The following PDE3A variants were observed in gnomAD, a reference collection of about 807,000 sequenced individuals.
PDE3A encodes the protein phosphodiesterase 3A, also known as cGMP-inhibited 3',5'-cyclic phosphodiesterase 3A.
In PDE3A, 43 loss-of-function variants were observed where a neutral mutation model predicts 98.3. The ratio of observed to expected loss-of-function variants is 0.44; its 90% confidence interval spans 0.34 to 0.56. The LOEUF (loss-of-function observed/expected upper bound fraction) is 0.56, where lower values mean the gene tolerates loss of function less well. PDE3A is among the 20% of genes least tolerant of loss of function. The pLI is 0.01. For missense variants in PDE3A, 1,427 were observed against 1,440.7 expected, an observed-to-expected ratio of 0.99 and a Z score of 0.15; for synonymous variants, 663 against 567.9, an observed-to-expected ratio of 1.17 and a Z score of -2.38.
At chr12:20,661,580 C>T (rs1945171392) in intron 15 of PDE3A, among the ~76,000 whole-genome samples, 1 of 152,114 alleles carries the variant, frequency 6.6e-6, no homozygotes, top group Non-Finnish European at 1.5e-5. Context: ...GACTTGGTTC[C>T]CTGCATCCCA....
intron 2 of PDE3A, chr12:20,556,967 T>C (rs544310714): frequency 2.2e-6 from 1 of 455,196 alleles, no homozygotes; most frequent in South Asian, 3.1e-5. Flanking sequence ...ATATTCATCT[T>C]GTCTCGGCAG....
At chr12:20,610,282 A>G (rs984527470) in intron 2 of PDE3A, among the ~76,000 whole-genome samples, 4 of 152,066 alleles carry the variant, frequency 2.6e-5, no homozygotes, top group Non-Finnish European at 5.9e-5. Context: ...TGGCCAACAT[A>G]TATGTATGGA....
intron 1 of PDE3A, among the ~76,000 whole-genome samples, chr12:20,540,254 C>G: frequency 6.6e-6 from 1 of 152,130 alleles, no homozygotes; most frequent in Middle Eastern, 3.4e-3. Context: ...ACATTATGGA[C>G]TGGATTATTA....
At chr12:20,568,152 A>T (rs529564479) in intron 2 of PDE3A, among the ~76,000 whole-genome samples, 1 of 152,096 alleles carries the variant, frequency 6.6e-6, no homozygotes, top group African/African-American at 2.4e-5. Flanking sequence ...TAGTTTCTGT[A>T]CTTATTCATG....
intron 1 of PDE3A, among the ~76,000 whole-genome samples, chr12:20,542,562 C>T (rs898101201): frequency 1.4e-4 from 22 of 151,894 alleles, no homozygotes; most frequent in Non-Finnish European, 2.7e-4. Flanking sequence ...TTTTTCAGCA[C>T]GTAATTTTAA....
intron 6 of PDE3A, among the ~76,000 whole-genome samples, chr12:20,631,528 A>G (rs759568285): frequency 6.6e-6 from 1 of 152,136 alleles, no homozygotes; most frequent in Non-Finnish European, 1.5e-5. Flanking sequence ...ATGCACCCTG[A>G]GCCAAGATGA....
intron 1 of PDE3A, among the ~76,000 whole-genome samples, chr12:20,469,091 G>T (rs1945392834): frequency 6.6e-6 from 1 of 152,042 alleles, no homozygotes; most frequent in African/African-American, 2.4e-5. Context: ...CTAAACATCA[G>T]GTATAAGGAG....
intron 1 of PDE3A, among the ~76,000 whole-genome samples, chr12:20,537,749 T>C (rs1487481335): frequency 6.6e-6 from 1 of 152,048 alleles, no homozygotes; most frequent in East Asian, 1.9e-4. Context: ...CTGAAACAGC[T>C]ATTAAACCCA....
chr12:20,660,199 G>A (rs903230983), intron 15 of PDE3A, among the ~76,000 whole-genome samples: 2 of 152,192 alleles, frequency 1.3e-5, no homozygotes, highest in African/African-American at 4.8e-5. Flanking sequence ...GTATGACCAT[G>A]TGAAGAAGGA....
intron 15 of PDE3A, among the ~76,000 whole-genome samples, chr12:20,656,925 G>T (rs966251574): frequency 3.3e-5 from 5 of 152,152 alleles, no homozygotes; most frequent in Non-Finnish European, 7.3e-5. Context: ...ATTTCTTTCT[G>T]TTCTGTAGGG....
chr12:20,665,275 T>G (rs2120365405), intron 15 of PDE3A, among the ~76,000 whole-genome samples: 1 of 152,352 alleles, frequency 6.6e-6, no homozygotes, highest in East Asian at 1.9e-4. Flanking sequence ...AGGTGATTCA[T>G]AAATAGATAA....
intron 15 of PDE3A, among the ~76,000 whole-genome samples, chr12:20,659,017 C>T (rs1462584243): frequency 2.0e-5 from 3 of 152,044 alleles, no homozygotes; most frequent in African/African-American, 7.3e-5. Flanking sequence ...CAGTTTTTGT[C>T]TTCTTGGCAC....
intron 9 of PDE3A, 43 bp downstream of exon 9, chr12:20,637,280 A>C: frequency 1.4e-6 from 2 of 1,463,088 alleles, no homozygotes; most frequent in Non-Finnish European, 1.9e-6. Flanking sequence ...TATAGGAAAA[A>C]CAGTTCCTTT....
chr12:20,536,573 A>T (rs1275792130), intron 1 of PDE3A, among the ~76,000 whole-genome samples: 1 of 152,106 alleles, frequency 6.6e-6, no homozygotes, highest in African/African-American at 2.4e-5. Flanking sequence ...ATCAATGACT[A>T]ATCTATTTTC....
In PDE3A at chr12:20,449,759, T is replaced by A. The variant is rs1414783059; in HGVS notation, c.960+79515T>A. ...CTGAAGTGGATGCTCAGGCTGGGGG[T>A]CATTCACCAGTGCTGTGAGGGACTG... On this transcript the variant is annotated intron_variant, in intron 1 of 15. Coordinates refer to ENST00000359062, the MANE Select transcript of PDE3A (RefSeq NM_000921.5). The A allele has an allele frequency of 4.0e-5, 19 of 475,264 alleles. No homozygotes were observed. In the East Asian group the frequency reaches 5.8e-4, roughly 14 times the overall value. The allele number at this position is 475,264 out of a possible 1,614,324, so 29.4% of individuals were successfully genotyped here.
At chr12:20,452,470 A>G (rs1945081931) in intron 1 of PDE3A, among the ~76,000 whole-genome samples, 2 of 152,154 alleles carry the variant, frequency 1.3e-5, no homozygotes, top group African/African-American at 2.4e-5. Context: ...GTGTCTCCAA[A>G]TGGTCATCCT....
chr12:20,429,393 G>A (rs542093648), intron 1 of PDE3A, among the ~76,000 whole-genome samples: 158 of 152,260 alleles, frequency 1.0e-3, no homozygotes, highest in African/African-American at 3.7e-3. Context: ...TGTTCCCTGG[G>A]AGAGTGCTGC....
rs189130469 is a variant in PDE3A at position 20,588,969 on chromosome 12, C to A, written c.1012-24474C>A. Among the ~76,000 whole-genome samples, 8 of 152,316 alleles carry A rather than the reference C, an allele frequency of 5.3e-5. No individual in the cohort carries two copies. The East Asian group carries it at 9.7e-4, about 18-fold the overall frequency. Reference sequence around the variant, plus strand: ...ACGGGGTCTCGCTCTGTCGCCCAGGCTGGAGTGTAGTGGCGCCATTTGGGC... The same window carrying A: ...ACGGGGTCTCGCTCTGTCGCCCAGGATGGAGTGTAGTGGCGCCATTTGGGC... On this transcript the variant is annotated intron_variant, in intron 2 of 15. Coordinates refer to ENST00000359062, the MANE Select transcript of PDE3A (RefSeq NM_000921.5).
At chr12:20,673,174 G>A (rs2120440908) in intron 15 of PDE3A, among the ~76,000 whole-genome samples, 1 of 152,254 alleles carries the variant, frequency 6.6e-6, no homozygotes, top group Middle Eastern at 3.4e-3. Flanking sequence ...CATTTAGAAT[G>A]GCAATCATTA....
Sources: gnomAD v4.1 joint callset for allele counts (sites outside exome capture counted in the v4.1 genomes callset) on GRCh38, gnomAD v4.1.1 for gene constraint, MANE v1.5 for transcripts, NCBI Gene and HGNC (gene_info 2026-07-23, HGNC 2026-07-21) for gene names.